Variants in GTF2F2 observed in about 807,000 individuals in gnomAD.
GTF2F2 encodes general transcription factor IIF subunit 2.
Under a neutral mutation model 42.2 loss-of-function variants are expected in GTF2F2, and 23 were observed. The ratio of observed to expected loss-of-function variants is 0.55; its 90% CI spans 0.39 to 0.77. The LOEUF is 0.77. Among genes scored for constraint, GTF2F2 ranks in the 30% least tolerant of loss-of-function variants. The probability of loss-of-function intolerance (pLI) is 0.00; values close to 1 mark genes in which losing one functional copy is unlikely to be tolerated. For synonymous variants in GTF2F2, 105 were observed against 100.8 expected, an observed-to-expected ratio of 1.04 and a Z score of -0.25; for missense variants, 261 against 287.2, an observed-to-expected ratio of 0.91 and a Z score of 0.66.
intron 5 of GTF2F2, among the ~76,000 whole-genome samples, chr13:45,246,809 G>A (rs909567966): frequency 2.6e-5 from 4 of 152,022 alleles, no homozygotes; most frequent in East Asian, 1.9e-4. Context: ...AGGCCAATGC[G>A]GGCGGATCAC....
intron 1 of GTF2F2, among the ~76,000 whole-genome samples, chr13:45,132,536 G>A (rs569418143): frequency 2.6e-4 from 40 of 152,038 alleles, no homozygotes; most frequent in African/African-American, 9.4e-4. Flanking sequence ...AGAGAAGACA[G>A]AAGTTATAAT....
chr13:45,150,470 T>C (rs1870430889), intron 3 of GTF2F2, among the ~76,000 whole-genome samples: 1 of 152,016 alleles, frequency 6.6e-6, no homozygotes, highest in Non-Finnish European at 1.5e-5. Context: ...CTTTTCAGAG[T>C]AAATAGTTCA....
rs908240976 is a variant in GTF2F2, at chr13:45,123,975, C to G, written c.66+3254C>G. The G allele has an allele frequency of 1.6e-5, 13 of 828,606 alleles. No homozygotes were observed. The African/African-American group carries it at 2.0e-4, about 13-fold the overall frequency. 51.3% of individuals were successfully genotyped at this position (828,606 alleles called of 1,614,324 possible). On this transcript the variant is annotated intron_variant, in intron 1 of 7. Coordinates refer to ENST00000340473, the MANE Select transcript of GTF2F2 (RefSeq NM_004128.3). Reference sequence around the variant, plus strand: ...CCCAGCATTGAGGGTCTCTCTCTTCCTCTTGTTCTGTCACTGGGGCTGGTG... The same window carrying G: ...CCCAGCATTGAGGGTCTCTCTCTTCGTCTTGTTCTGTCACTGGGGCTGGTG...
At chr13:45,152,311 C>T (rs1385416420) in intron 4 of GTF2F2, among the ~76,000 whole-genome samples, 1 of 152,124 alleles carries the variant, frequency 6.6e-6, no homozygotes, top group East Asian at 1.9e-4. Flanking sequence ...GCTCTGTGTA[C>T]TTTCTTGTGA....
chr13:45,241,119 C>T (rs1875278408), intron 5 of GTF2F2, among the ~76,000 whole-genome samples: 1 of 151,020 alleles, frequency 6.6e-6, no homozygotes, highest in South Asian at 2.1e-4. Flanking sequence ...TACCACAGAC[C>T]ACTGCACTCT....
At chr13:45,228,429 A>G (rs924516203) in intron 5 of GTF2F2, among the ~76,000 whole-genome samples, 1 of 149,586 alleles carries the variant, frequency 6.7e-6, no homozygotes, top group Non-Finnish European at 1.5e-5. Flanking sequence ...CCCCTCCAGT[A>G]GCTTGTAGCT....
At chr13:45,126,672 TA>T (rs1344218646) in intron 1 of GTF2F2, among the ~76,000 whole-genome samples, 21 of 97,672 alleles carry the variant, frequency 2.2e-4, no homozygotes, top group Admixed American at 1.9e-3. Flanking sequence ...GGACATGGTA[TA>T]TATACTGTGT....
chr13:45,175,846 A>C (rs894091403), intron 4 of GTF2F2, among the ~76,000 whole-genome samples: 1 of 151,850 alleles, frequency 6.6e-6, no homozygotes, highest in Non-Finnish European at 1.5e-5. Flanking sequence ...CTGGTCTCGA[A>C]CTCCCGACAT....
chr13:45,273,681 G>GTTTT (rs1876900696), intron 7 of GTF2F2, among the ~76,000 whole-genome samples: 1 of 77,322 alleles, frequency 1.3e-5, no homozygotes, highest in African/African-American at 1.0e-4. Flanking sequence ...TTGAGACGGA[G>GTTTT]TCTTGTTCTG....
At chr13:45,246,081 T>C (rs1875593514) in intron 5 of GTF2F2, among the ~76,000 whole-genome samples, 1 of 150,928 alleles carries the variant, frequency 6.6e-6, no homozygotes, top group Non-Finnish European at 1.5e-5. Context: ...GGATCTCAGC[T>C]CACTGCAAGC....
intron 4 of GTF2F2, among the ~76,000 whole-genome samples, chr13:45,163,411 T>C (rs1403378915): frequency 6.6e-6 from 1 of 151,976 alleles, no homozygotes; most frequent in Non-Finnish European, 1.5e-5. Context: ...TGGCGCACGC[T>C]TGTAGCACCA....
intron 1 of GTF2F2, among the ~76,000 whole-genome samples, chr13:45,135,977 T>C (rs995838009): frequency 6.6e-6 from 1 of 152,256 alleles, no homozygotes; most frequent in African/African-American, 2.4e-5. Flanking sequence ...CTTTTCCTTT[T>C]TGGGAATTAA....
chr13:45,182,299 C>A (rs547608320), intron 4 of GTF2F2, among the ~76,000 whole-genome samples: 41 of 152,098 alleles, frequency 2.7e-4, no homozygotes, highest in Non-Finnish European at 5.4e-4. Context: ...TACAGACGCC[C>A]ACTGCTACGC....
At chr13:45,266,049 T>C (rs1023739693) in intron 6 of GTF2F2, among the ~76,000 whole-genome samples, 1 of 152,214 alleles carries the variant, frequency 6.6e-6, no homozygotes, top group African/African-American at 2.4e-5. Flanking sequence ...AAAAGGGTGA[T>C]GTTTTACAAT....
At chr13:45,142,442 A>G (rs1375796746) in intron 2 of GTF2F2, among the ~76,000 whole-genome samples, 1 of 152,216 alleles carries the variant, frequency 6.6e-6, no homozygotes. Context: ...TGCTAGGATT[A>G]CAGGCGTGAG....
At chr13:45,197,341 TA>T (rs67534725) in intron 4 of GTF2F2, among the ~76,000 whole-genome samples, 26,650 of 136,934 alleles carry the variant, frequency 0.19, 2,532 homozygotes, top group Non-Finnish European at 0.23. Flanking sequence ...TACCAAAAAT[TA>T]AAAAAAAAAA....
rs899253608 is a variant in GTF2F2, at chr13:45,120,522, T to A, written c.-134T>A. ...TGTTCCTCTTTTCCTCGGTTCCCAG[T>A]GTTCTGGCAGGTAAGGAACGCCGGC... is the stretch of plus-strand genomic sequence containing the variant. On this transcript the variant is annotated 5_prime_UTR_variant, in exon 1 of 8. Transcript: ENST00000340473. The A allele has an allele frequency of 1.1e-5, 7 of 646,972 alleles. No individual in the cohort carries two copies. In the East Asian group the frequency reaches 1.7e-4, roughly 16 times the overall value. The allele number at this position is 646,972 out of a possible 1,614,324, so 40.1% of individuals were successfully genotyped here. A position where few individuals can be genotyped will look rare whatever the true frequency, so the allele number is the denominator to read the frequency against.
intron 4 of GTF2F2, among the ~76,000 whole-genome samples, chr13:45,181,606 T>C (rs1033082222): frequency 6.6e-6 from 1 of 152,164 alleles, no homozygotes; most frequent in African/African-American, 2.4e-5. Context: ...GAAGTAAATA[T>C]AAAATAAATC....
chr13:45,156,104 G>C (rs986395857), intron 4 of GTF2F2, among the ~76,000 whole-genome samples: 2 of 151,972 alleles, frequency 1.3e-5, no homozygotes, highest in Non-Finnish European at 2.9e-5. Context: ...CTGGCTCTTA[G>C]ATATTATTAT....
Sources: gnomAD v4.1 joint callset for allele counts (sites outside exome capture counted in the v4.1 genomes callset) on GRCh38, gnomAD v4.1.1 for gene constraint, MANE v1.5 for transcripts, NCBI Gene and HGNC (gene_info 2026-07-23, HGNC 2026-07-21) for gene names.